Variants in BTAF1 observed in about 807,000 individuals in gnomAD.
The protein encoded by BTAF1 is TATA-binding protein-associated factor 172.
BTAF1 carries 38 observed loss-of-function variants against 227.1 expected under a neutral mutation model. The ratio of observed to expected loss-of-function variants is 0.17; its 90% CI spans 0.13 to 0.22. The LOEUF is 0.22. Among genes scored for constraint, BTAF1 ranks in the 10% least tolerant of loss-of-function variants. The pLI, the probability that BTAF1 is intolerant of heterozygous loss-of-function variation, is 1.00. For missense variants in BTAF1, 1,598 were observed against 2,204.0 expected (o/e 0.73, Z 5.51); for synonymous variants, 742 against 751.9 (o/e 0.99, Z 0.21).
At chr10:91,931,529 T>C (rs1844276198) in intron 1 of BTAF1, among the ~76,000 whole-genome samples, 1 of 152,212 alleles carries the variant, frequency 6.6e-6, no homozygotes. Context: ...GAGTAAGTAC[T>C]GTGTTCCCTC....
At position 91,994,548 on chromosome 10, in the gene BTAF1, C is replaced by T. The variant is rs1198647106; in HGVS notation, c.3213C>T (p.Leu1071=). ...ATATTTTAACAGATGGAAAATCCCT[C>T]CTGGATAAGGGAGATAGCCCTGCTC... is the stretch of plus-strand genomic sequence containing the variant. ...IDINNFDGKS[L]LDKGDSPAQE... Residue 1071 remains leucine, a synonymous_variant, in exon 23 of 38, where the codon CTC becomes CTT. Transcript: ENST00000265990. 1 of 1,611,456 alleles carries T rather than the reference C, an allele frequency of 6.2e-7. No homozygotes were observed.
At chr10:91,944,200 A>T (rs1215312085) in intron 4 of BTAF1, among the ~76,000 whole-genome samples, 1 of 152,104 alleles carries the variant, frequency 6.6e-6, no homozygotes, top group East Asian at 1.9e-4. Flanking sequence ...CTGATATGTA[A>T]CCAGGATTGG....
At chr10:91,951,956 CT>C (rs571318256) in intron 5 of BTAF1, among the ~76,000 whole-genome samples, 10 of 146,622 alleles carry the variant, frequency 6.8e-5, no homozygotes, top group South Asian at 4.4e-4. Flanking sequence ...ATGATTTATT[CT>C]TTTTTTTTTA....
At chr10:91,969,179 G>GT (rs1216194177) in intron 14 of BTAF1, among the ~76,000 whole-genome samples, 4 of 150,022 alleles carry the variant, frequency 2.7e-5, no homozygotes, top group Non-Finnish European at 5.9e-5. Flanking sequence ...GTTTCATATT[G>GT]TTTTTTAAAG....
At chr10:92,019,621 C>T (rs1405815289) in intron 34 of BTAF1, among the ~76,000 whole-genome samples, 1 of 152,158 alleles carries the variant, frequency 6.6e-6, no homozygotes, top group African/African-American at 2.4e-5. Flanking sequence ...TACACTCCCA[C>T]CAGCAATGTA....
intron 4 of BTAF1, among the ~76,000 whole-genome samples, chr10:91,944,372 G>T (rs1214512182): frequency 1.3e-5 from 2 of 152,098 alleles, no homozygotes; most frequent in African/African-American, 4.8e-5. Context: ...TATACATACT[G>T]GTCTGGGTTT....
At chr10:92,025,538 G>C (rs1275968887) in intron 35 of BTAF1, among the ~76,000 whole-genome samples, 1 of 151,972 alleles carries the variant, frequency 6.6e-6, no homozygotes, top group Non-Finnish European at 1.5e-5. Flanking sequence ...TGAGCGCGGT[G>C]ACTCATGCCT....
In BTAF1 at chr10:91,959,844, T is replaced by C. The variant is rs1846380872; in HGVS notation, c.1050T>C (p.Phe350=). 7 of 1,609,902 alleles carry C rather than the reference T, an allele frequency of 4.3e-6. No individual in the cohort carries two copies. The highest frequency in any genetic ancestry group is 5.9e-6 in the Non-Finnish European group (7 of 1,178,640). The change falls in exon 10 of 38, where the codon TTT becomes TTC. Residue 350 remains phenylalanine, a synonymous_variant. Coordinates refer to ENST00000265990, the MANE Select transcript of BTAF1 (RefSeq NM_003972.3). ...TGGTTATTAGACTCCTTTGTGTTTT[T>C]GCATTAGACAGATTTGGAGACTTTG... ...EDLVIRLLCV[F]ALDRFGDFVS...
chr10:91,987,585 G>A (rs1283827470), intron 19 of BTAF1, among the ~76,000 whole-genome samples: 6 of 152,062 alleles, frequency 3.9e-5, no homozygotes, highest in Non-Finnish European at 7.4e-5. Flanking sequence ...TCATCTCTAG[G>A]GCTCCAGGCA....
At chr10:92,001,659 A>G (rs1367519471) in intron 25 of BTAF1, among the ~76,000 whole-genome samples, 1 of 152,164 alleles carries the variant, frequency 6.6e-6, no homozygotes, top group Non-Finnish European at 1.5e-5. Context: ...TATTTAAAGG[A>G]ATAATTTAAA....
chr10:91,973,903 C>CAAA lies in BTAF1; in HGVS notation c.1651-6533_1651-6531dup, dbSNP rs566022941. ...TGGGCGACAGAGCGAGACTCCGTCT[C>CAAA]AAAAAAAAAAAAAAAAAAAAGAAAC... On this transcript the variant is annotated intron_variant, in intron 14 of 37. Coordinates refer to ENST00000265990, the MANE Select transcript of BTAF1 (RefSeq NM_003972.3). Among the ~76,000 whole-genome samples, 271 of 93,634 alleles carry CAAA rather than the reference C, an allele frequency of 2.9e-3. 2 individuals are homozygous for CAAA. The highest frequency in any genetic ancestry group is 4.1e-3 in the Non-Finnish European group (202 of 49,820). The allele number at this position is 93,634 out of a possible 152,430, so 61.4% of individuals were successfully genotyped here.
intron 14 of BTAF1, among the ~76,000 whole-genome samples, chr10:91,975,263 A>G (rs1847603190): frequency 6.6e-6 from 1 of 152,220 alleles, no homozygotes; most frequent in Admixed American, 6.5e-5. Flanking sequence ...GAAGATATAC[A>G]TGAGATTGAG....
chr10:92,027,257 G>A lies in BTAF1; in HGVS notation c.5363G>A (p.Ser1788Asn), dbSNP rs1291460746. 1 of 1,613,630 alleles carries A rather than the reference G, an allele frequency of 6.2e-7. No individual in the cohort carries two copies. The highest frequency in any genetic ancestry group is 8.5e-7 in the Non-Finnish European group (1 of 1,179,880). Reference sequence around the variant, plus strand: ...AGCCAAGAGAATTCTAGTTTGCAGAGCATGGGGACTGATCAGCTTCTTGAT... The same window carrying A: ...AGCCAAGAGAATTCTAGTTTGCAGAACATGGGGACTGATCAGCTTCTTGAT... Reference protein sequence around the residue: ...VISQENSSLQSMGTDQLLDLF... With the variant: ...VISQENSSLQNMGTDQLLDLF... Residue 1788 changes from serine to asparagine, a missense_variant, in exon 37 of 38, where the codon AGC (serine) becomes AAC (asparagine). Transcript: ENST00000265990.
At chr10:91,991,233 G>T (rs1446954069) in intron 20 of BTAF1, among the ~76,000 whole-genome samples, 3 of 107,860 alleles carry the variant, frequency 2.8e-5, no homozygotes, top group Non-Finnish European at 6.6e-5. Flanking sequence ...GCGACAGGGC[G>T]AGACTCCGTC....
intron 4 of BTAF1, among the ~76,000 whole-genome samples, chr10:91,944,446 A>G (rs368861650): frequency 2.6e-5 from 4 of 152,220 alleles, no homozygotes; most frequent in African/African-American, 9.6e-5. Flanking sequence ...GAGAGGACCA[A>G]TTTTAGGCTC....
At chr10:91,929,669 A>G (rs955908547) in intron 1 of BTAF1, among the ~76,000 whole-genome samples, 1 of 152,178 alleles carries the variant, frequency 6.6e-6, no homozygotes, top group Non-Finnish European at 1.5e-5. Flanking sequence ...TTAATTACCA[A>G]TAAAGGACAA....
rs1268661635 is a variant in BTAF1 at position 91,976,680 on chromosome 10, A to G, written c.1651-3774A>G. 2.0e-5 allele frequency among the ~76,000 whole-genome samples: 3 copies of G among 152,210 alleles called. 1 individual carries two copies. In the East Asian group the frequency reaches 5.8e-4, roughly 29 times the overall value. ...ACAAAATGCTGAAAAAAAATTTCTT[A>G]TATTACAGTATCACAATTTTGGGAA... On this transcript the variant is annotated intron_variant, in intron 14 of 37. Transcript: ENST00000265990.
chr10:91,968,697 G>C (rs982241059), intron 14 of BTAF1, among the ~76,000 whole-genome samples: 6 of 152,084 alleles, frequency 3.9e-5, no homozygotes, highest in Admixed American at 3.9e-4. Flanking sequence ...ATTCTGGCCA[G>C]CATTTTTTGT....
Position 91,982,157 on chromosome 10 carries a change from C to G in BTAF1, c.1980C>G (p.Ala660=). The change falls in exon 17 of 38, where the codon GCC becomes GCG. Residue 660 remains alanine (A), a synonymous_variant. Transcript: ENST00000265990. ...KEVLQEYIAG[A]DTIMEDPATR... ...TACTTCAGGAGTATATTGCAGGTGC[C>G]GACACCATCATGGAAGACCCAGCCA... is the stretch of plus-strand genomic sequence containing the variant. The G allele has an allele frequency of 6.2e-7, 1 of 1,613,804 alleles. No individual in the cohort carries two copies. Among genetic ancestry groups the G allele is most frequent in the Non-Finnish European group, 8.5e-7 (1 of 1,179,886 alleles).
Sources: allele counts gnomAD v4.1 joint callset (sites outside exome capture counted in the v4.1 genomes callset), GRCh38; gene constraint gnomAD v4.1.1; transcripts MANE v1.5; gene names NCBI Gene and HGNC (gene_info 2026-07-23, HGNC 2026-07-21).